The following RSPH14 variants were observed in gnomAD, a reference collection of about 807,000 sequenced individuals.
RSPH14 encodes rhabdoid tumor deletion region gene 1.
Under a neutral mutation model 26.7 loss-of-function variants are expected in RSPH14, and 20 were observed. The ratio of observed to expected loss-of-function variants is 0.75; its 90% CI spans 0.53 to 1.09. The LOEUF is 1.09. Ranked by LOEUF, RSPH14 falls within the 50% of genes least tolerant of loss-of-function variation. RSPH14 has a pLI of 0.00. For missense variants in RSPH14, 449 were observed against 457.2 expected, an observed-to-expected ratio of 0.98 and a Z score of 0.16; for synonymous variants, 177 against 189.3, an observed-to-expected ratio of 0.93 and a Z score of 0.53.
intron 4 of RSPH14, chr22:23,124,562 C>A: frequency 3.9e-6 from 1 of 259,660 alleles, no homozygotes; most frequent in Non-Finnish European, 8.7e-6. Context: ...CACCTGGGAG[C>A]AAATGAACAA....
intron 5 of RSPH14, 89 bp downstream of exon 5, chr22:23,063,813 C>T: frequency 7.9e-7 from 1 of 1,264,744 alleles, no homozygotes; most frequent in Non-Finnish European, 1.1e-6. Context: ...GGAAGCAGGC[C>T]CAGGGTGGCC....
the RSPH14 span, chr22:23,160,739 G>T: frequency 8.4e-7 from 1 of 1,192,684 alleles, no homozygotes. Context: ...GTGCCCTCCT[G>T]GGGTCATTGT....
At chr22:23,131,911 C>G (rs899186601) in intron 4 of RSPH14, among the ~76,000 whole-genome samples, 1 of 152,140 alleles carries the variant, frequency 6.6e-6, no homozygotes, top group African/African-American at 2.4e-5. Context: ...TGCTCAACTC[C>G]CAGGCCAGAT....
chr22:23,091,573 G>A (rs911484278), intron 4 of RSPH14, among the ~76,000 whole-genome samples: 3 of 146,728 alleles, frequency 2.0e-5, no homozygotes, highest in Admixed American at 6.8e-5. Context: ...CACACGCACC[G>A]CAGTGGATTT....
At chr22:23,062,066 A>T (rs2068109215) in intron 5 of RSPH14, 121 bp from the exon 6 acceptor site, 2 of 1,196,414 alleles carry the variant, frequency 1.7e-6, no homozygotes, top group South Asian at 2.8e-5. Flanking sequence ...AGGTAGTCCC[A>T]GGACTGGTCC....
Position 23,112,702 on chromosome 22 carries a change from T to C in RSPH14, c.421+21324A>G, listed in dbSNP as rs565397894. Among the ~76,000 whole-genome samples, 8 of 152,302 alleles carry C rather than the reference T, an allele frequency of 5.3e-5. No individual in the cohort carries two copies. The South Asian group carries it at 1.2e-3, about 24-fold the overall frequency. ...TGGCAAGTGCTCAAGGTAAGCACGATGCAGCTGCGACCTGTAGACTGGCTG... is the reference window on the plus strand; with the variant it reads ...TGGCAAGTGCTCAAGGTAAGCACGACGCAGCTGCGACCTGTAGACTGGCTG... On this transcript the variant is annotated intron_variant, in intron 4 of 6. Coordinates refer to ENST00000216036, the MANE Select transcript of RSPH14 (RefSeq NM_014433.3).
intron 4 of RSPH14, among the ~76,000 whole-genome samples, chr22:23,121,678 A>G (rs2070028122): frequency 6.7e-6 from 1 of 150,006 alleles, no homozygotes; most frequent in Non-Finnish European, 1.5e-5. Context: ...TACCACTTGC[A>G]TTACCACGGT....
At position 23,063,544 on chromosome 22, in the gene RSPH14, G is replaced by A. The variant is rs548164448; in HGVS notation, c.653+358C>T. On this transcript the variant is annotated intron_variant, in intron 5 of 6. Coordinates refer to ENST00000216036, the MANE Select transcript of RSPH14 (RefSeq NM_014433.3). ...GCAGACATCACCTCCCTGGAGGGTC[G>A]CCTAAATGTGAGGTTTGTAGACAAC... 1.8e-4 allele frequency among the ~76,000 whole-genome samples: 27 copies of A among 152,254 alleles called. No homozygotes were observed. In the South Asian group the frequency reaches 5.4e-3, roughly 30 times the overall value.
At chr22:23,161,121 AC>A in the RSPH14 span, 1 of 1,256,754 alleles carries the variant, frequency 8.0e-7, no homozygotes, top group South Asian at 1.5e-5. Context: ...CTGTCCTTTG[AC>A]CCTCCTCTCA....
the RSPH14 span, among the ~76,000 whole-genome samples, chr22:23,169,866 G>A: frequency 6.6e-6 from 1 of 152,152 alleles, no homozygotes; most frequent in Non-Finnish European, 1.5e-5. Flanking sequence ...ACTTTGGGAG[G>A]TGGAGGTGGG....
chr22:23,099,608 C>G (rs2069235728), intron 4 of RSPH14, among the ~76,000 whole-genome samples: 1 of 152,272 alleles, frequency 6.6e-6, no homozygotes, highest in Non-Finnish European at 1.5e-5. Flanking sequence ...GGGCCCCCAG[C>G]CCTCAAGTCC....
intron 4 of RSPH14, among the ~76,000 whole-genome samples, chr22:23,118,359 A>G (rs1460780974): frequency 6.6e-6 from 1 of 152,214 alleles, no homozygotes; most frequent in South Asian, 2.1e-4. Context: ...CCAGCCTCCT[A>G]GAAGGCGCCA....
the RSPH14 span, chr22:23,162,695 C>CA: frequency 2.2e-6 from 1 of 456,298 alleles, no homozygotes; most frequent in Non-Finnish European, 4.4e-6. Context: ...TGGCTATGCC[C>CA]ACTCATCCCA....
intron 4 of RSPH14, among the ~76,000 whole-genome samples, chr22:23,074,968 G>C (rs1043152773): frequency 1.1e-4 from 17 of 152,194 alleles, no homozygotes; most frequent in Admixed American, 1.1e-3. Context: ...AGGAGTTTGA[G>C]ACCAGCCTGA....
chr22:23,148,356 G>A (rs2070922385), upstream of RSPH14, among the ~76,000 whole-genome samples: 1 of 152,206 alleles, frequency 6.6e-6, no homozygotes, highest in South Asian at 2.1e-4. Context: ...GAAGGAAAGT[G>A]TGATTGGCAC....
At chr22:23,134,548 C>CAAAAAA (rs59412175) in intron 3 of RSPH14, among the ~76,000 whole-genome samples, 2 of 86,140 alleles carry the variant, frequency 2.3e-5, no homozygotes, top group African/African-American at 4.5e-5. Flanking sequence ...AACTCCCAAC[C>CAAAAAA]AAAAAAAAAA....
chr22:23,174,742 G>A, the RSPH14 span, among the ~76,000 whole-genome samples: 4 of 151,874 alleles, frequency 2.6e-5, no homozygotes, highest in Admixed American at 2.6e-4. Flanking sequence ...GCTGAGGCAG[G>A]TGGATCCCCT....
chr22:23,073,330 G>A (rs1305651837), intron 4 of RSPH14, among the ~76,000 whole-genome samples: 1 of 152,266 alleles, frequency 6.6e-6, no homozygotes, highest in Non-Finnish European at 1.5e-5. Context: ...CAGTGCAGAT[G>A]CCAAGGGTCA....
At chr22:23,180,407 G>GC in the RSPH14 span, 17 of 164,688 alleles carry the variant, frequency 1.0e-4, no homozygotes, top group Admixed American at 3.9e-4. Flanking sequence ...CCTCCAGGGG[G>GC]CCCCCCCGCC....
Sources: gnomAD v4.1 joint callset for allele counts (sites outside exome capture counted in the v4.1 genomes callset) on GRCh38, gnomAD v4.1.1 for gene constraint, MANE v1.5 for transcripts, NCBI Gene and HGNC (gene_info 2026-07-23, HGNC 2026-07-21) for gene names.